FRMPD1: variants seen among roughly 807,000 people sequenced by gnomAD.
FRMPD1 encodes FERM and PDZ domain containing 1.
In FRMPD1, 76 loss-of-function variants were observed where a neutral mutation model predicts 117.8. The observed-to-expected ratio is 0.65, with a 90% confidence interval of 0.54 to 0.78. The LOEUF (loss-of-function observed/expected upper bound fraction) is 0.78, where lower values mean the gene tolerates loss of function less well. Ranked by LOEUF, FRMPD1 falls within the 30% of genes least tolerant of loss-of-function variation. FRMPD1 has a pLI of 0.00. For synonymous variants in FRMPD1, 783 were observed against 770.4 expected (o/e 1.02, Z -0.27); for missense variants, 1,786 against 1,964.5 (o/e 0.91, Z 1.72).
intron 1 of FRMPD1, among the ~76,000 whole-genome samples, chr9:37,678,314 G>T (rs1304732824): frequency 1.4e-5 from 2 of 138,062 alleles, no homozygotes; most frequent in African/African-American, 5.5e-5. Context: ...AGGCTGGAGT[G>T]CAGTGGTGCA....
chr9:37,670,549 G>C (rs1180432448), intron 1 of FRMPD1, among the ~76,000 whole-genome samples: 1 of 152,230 alleles, frequency 6.6e-6, no homozygotes, highest in Non-Finnish European at 1.5e-5. Flanking sequence ...AGTGCAATTT[G>C]TTAGGATGGG....
intron 1 of FRMPD1, among the ~76,000 whole-genome samples, chr9:37,665,088 G>A (rs1372253720): frequency 6.6e-6 from 1 of 152,086 alleles, no homozygotes; most frequent in Non-Finnish European, 1.5e-5. Context: ...CTTATCTATA[G>A]CAAATAAACA....
intron 1 of FRMPD1, among the ~76,000 whole-genome samples, chr9:37,673,301 C>T (rs1247484284): frequency 6.6e-6 from 1 of 152,190 alleles, no homozygotes; most frequent in African/African-American, 2.4e-5. Flanking sequence ...TTTTAAAGCT[C>T]CAAAATGATC....
intron 1 of FRMPD1, among the ~76,000 whole-genome samples, chr9:37,678,674 C>T (rs1394888451): frequency 6.6e-6 from 1 of 152,106 alleles, no homozygotes; most frequent in Admixed American, 6.5e-5. Context: ...GTCTTTTTTG[C>T]TCCTAATGAC....
At chr9:37,666,682 C>T (rs182477055) in intron 1 of FRMPD1, among the ~76,000 whole-genome samples, 104 of 152,332 alleles carry the variant, frequency 6.8e-4, no homozygotes, top group African/African-American at 2.4e-3. Context: ...TTCTACTAGC[C>T]TCTCTGCACT....
At chr9:37,728,440 C>T (rs1823709318) in intron 7 of FRMPD1, among the ~76,000 whole-genome samples, 1 of 152,044 alleles carries the variant, frequency 6.6e-6, no homozygotes, top group African/African-American at 2.4e-5. Flanking sequence ...AAGAAACAGA[C>T]CTGGAAAGAG....
the FRMPD1 span, among the ~76,000 whole-genome samples, chr9:37,607,756 G>C: frequency 6.6e-6 from 1 of 152,222 alleles, no homozygotes; most frequent in Non-Finnish European, 1.5e-5. Flanking sequence ...AAAATTCAAA[G>C]AGATGTGAAA....
In FRMPD1 at chr9:37,676,624, G is replaced by A. The variant is rs369637502; in HGVS notation, c.-4-16014G>A. 1.8e-4 allele frequency among the ~76,000 whole-genome samples: 28 copies of A among 152,296 alleles called. No homozygotes were observed. In the South Asian group the frequency reaches 5.4e-3, roughly 29 times the overall value. ...CTACAGGAGGGAGAAGAGGTTTCCG[G>A]ATAGAATGCTTAATTAGGGCTTAAT... On this transcript the variant is annotated intron_variant, in intron 1 of 15. Transcript: ENST00000377765.
intron 1 of FRMPD1, among the ~76,000 whole-genome samples, chr9:37,679,099 C>T (rs927989448): frequency 1.3e-5 from 2 of 152,198 alleles, no homozygotes; most frequent in Non-Finnish European, 1.5e-5. Context: ...TGTTGGAGCT[C>T]CTGGTGGGCA....
chr9:37,616,719 G>T, the FRMPD1 span, among the ~76,000 whole-genome samples: 1 of 152,130 alleles, frequency 6.6e-6, no homozygotes, highest in Non-Finnish European at 1.5e-5. Context: ...CAGAAGTAGG[G>T]CTTGATTTGC....
In FRMPD1 at chr9:37,732,241, G is replaced by A. The variant is rs540248227; in HGVS notation, c.859-63G>A. On this transcript the variant is annotated intron_variant, in intron 9 of 15. Coordinates refer to ENST00000377765, the MANE Select transcript of FRMPD1 (RefSeq NM_014907.3). ...CCTGGTCCTGCTGCCTTTCACCCGA[G>A]AGAACGAGGGGACACAGTATGTCTG... 5.7e-6 allele frequency: 9 copies of A among 1,571,518 alleles called. No homozygotes were observed. The South Asian group carries it at 6.8e-5, about 12-fold the overall frequency.
intron 2 of FRMPD1, among the ~76,000 whole-genome samples, chr9:37,694,066 T>C (rs1822240138): frequency 6.6e-6 from 1 of 152,196 alleles, no homozygotes; most frequent in Admixed American, 6.5e-5. Context: ...TTCATCTCTA[T>C]GGCCCAGAAG....
chr9:37,744,831 C>T lies in FRMPD1; in HGVS notation c.2799C>T (p.Val933=), dbSNP rs1824609636. Residue 933 remains valine, a synonymous_variant, in exon 16 of 16, where the codon GTC becomes GTT. Transcript: ENST00000377765. Reference sequence around the variant, plus strand: ...CCGAGACCATGGAAACCAAATCAGTCATCGACTCTCGAGTGTCTTCTATTT... The same window carrying T: ...CCGAGACCATGGAAACCAAATCAGTTATCGACTCTCGAGTGTCTTCTATTT... ...MEPETMETKS[V]IDSRVSSISA... is the part of the protein sequence containing the mutation. The T allele has an allele frequency of 2.5e-6, 4 of 1,613,990 alleles. No individual in the cohort carries two copies. Among genetic ancestry groups the T allele is most frequent in the African/African-American group, 1.3e-5 (1 of 74,932 alleles).
At chr9:37,638,030 CTT>C in the FRMPD1 span, among the ~76,000 whole-genome samples, 5 of 92,200 alleles carry the variant, frequency 5.4e-5, 1 homozygote, top group Admixed American at 1.2e-4. Context: ...CTTTCTCTCT[CTT>C]TCTTCCTTTC....
At chr9:37,617,329 G>A in the FRMPD1 span, among the ~76,000 whole-genome samples, 1,319 of 152,282 alleles carry the variant, frequency 8.7e-3, 15 homozygotes, top group African/African-American at 0.03. Flanking sequence ...GAGACACTCT[G>A]ACCTCAGAGA....
At chr9:37,644,210 G>C in the FRMPD1 span, among the ~76,000 whole-genome samples, 1 of 152,198 alleles carries the variant, frequency 6.6e-6, no homozygotes, top group Non-Finnish European at 1.5e-5. Context: ...TCTTCCCACA[G>C]AGCTATTTGC....
In FRMPD1 at chr9:37,719,146, T is replaced by A. The variant is rs2118255504; in HGVS notation, c.486T>A (p.Ala162=). 1 of 1,611,834 alleles carries A rather than the reference T, an allele frequency of 6.2e-7. No homozygotes were observed. The highest frequency in any genetic ancestry group is 8.5e-7 in the Non-Finnish European group (1 of 1,177,840). Reference sequence around the variant, plus strand: ...CCAACCCCGTGAAGGTGCACTTTGCTGAAGAAGTGCTCATCAGTGGACACA... The same window carrying A: ...CCAACCCCGTGAAGGTGCACTTTGCAGAAGAAGTGCTCATCAGTGGACACA... The part of the protein sequence containing the change: ...LKTNPVKVHF[A]EEVLISGHSQ... Residue 162 remains alanine, a synonymous_variant, in exon 6 of 16, where the codon GCT becomes GCA. Coordinates refer to ENST00000377765, the MANE Select transcript of FRMPD1 (RefSeq NM_014907.3).
At chr9:37,654,518 T>TTG (rs1183541674) in intron 1 of FRMPD1, among the ~76,000 whole-genome samples, 4 of 152,252 alleles carry the variant, frequency 2.6e-5, no homozygotes, top group Non-Finnish European at 5.9e-5. Context: ...CTTCTGAACT[T>TTG]CAGTTTTTTC....
At chr9:37,694,479 A>C (rs1264102503) in intron 2 of FRMPD1, among the ~76,000 whole-genome samples, 5 of 152,236 alleles carry the variant, frequency 3.3e-5, no homozygotes, top group Non-Finnish European at 4.4e-5. Context: ...CTATAAAAAG[A>C]AACCCTGTGC....
Sources: gnomAD v4.1 joint callset for allele counts (sites outside exome capture counted in the v4.1 genomes callset) on GRCh38, gnomAD v4.1.1 for gene constraint, MANE v1.5 for transcripts, NCBI Gene and HGNC (gene_info 2026-07-23, HGNC 2026-07-21) for gene names.